Variants in FBN2 observed in about 807,000 individuals in gnomAD.
The protein encoded by FBN2 is fibrillin-2.
In FBN2, 105 loss-of-function variants were observed where a neutral mutation model predicts 355.6. That is an observed-to-expected ratio of 0.30 (90% CI 0.25 to 0.35). FBN2 has a LOEUF of 0.35. Among genes scored for constraint, FBN2 ranks in the 10% least tolerant of loss-of-function variants. The pLI, the probability that FBN2 is intolerant of heterozygous loss-of-function variation, is 1.00. For missense variants in FBN2, 3,280 were observed against 3,758.7 expected (o/e 0.87, Z 3.33); for synonymous variants, 1,350 against 1,301.2 (o/e 1.04, Z -0.81).
chr5:128,512,207 A>C (rs932636133), intron 5 of FBN2, among the ~76,000 whole-genome samples: 1 of 152,144 alleles, frequency 6.6e-6, no homozygotes, highest in Admixed American at 6.5e-5. Flanking sequence ...CATTAGGACA[A>C]TTTTATCTAA....
At chr5:128,380,828 T>C (rs1412652203) in intron 11 of FBN2, among the ~76,000 whole-genome samples, 2 of 152,124 alleles carry the variant, frequency 1.3e-5, no homozygotes, top group Non-Finnish European at 2.9e-5. Context: ...ATGTTCGTTT[T>C]GTCTTGTTTA....
intron 55 of FBN2, among the ~76,000 whole-genome samples, chr5:128,282,057 TACTTG>T (rs1240374850): frequency 8.5e-5 from 13 of 152,188 alleles, no homozygotes; most frequent in African/African-American, 2.7e-4. Context: ...TTTGTTTTCA[TACTTG>T]ATTGAGTATA....
At chr5:128,342,510 G>A (rs1332433589) in intron 25 of FBN2, among the ~76,000 whole-genome samples, 3 of 152,092 alleles carry the variant, frequency 2.0e-5, no homozygotes, top group African/African-American at 7.2e-5. Flanking sequence ...GGTAGCTTGA[G>A]AGAAAAGAAG....
chr5:128,502,957 A>G (rs554159796), intron 5 of FBN2, among the ~76,000 whole-genome samples: 2 of 152,188 alleles, frequency 1.3e-5, no homozygotes, highest in East Asian at 3.9e-4. Flanking sequence ...TACCCTGACT[A>G]TTTTTCTAGT....
chr5:128,466,696 C>G (rs1432373805), intron 5 of FBN2, among the ~76,000 whole-genome samples: 1 of 152,176 alleles, frequency 6.6e-6, no homozygotes, highest in Non-Finnish European at 1.5e-5. Context: ...CATTGTTACT[C>G]TGCAGCTGAA....
At position 128,352,282 on chromosome 5, in the gene FBN2, AAGAAATAG is replaced by A. The variant is rs373007126; in HGVS notation, c.2675-1285_2675-1278del. Among the ~76,000 whole-genome samples, 868 of 152,308 alleles carry A rather than the reference AAGAAATAG, an allele frequency of 5.7e-3. 7 individuals carry two copies. The highest frequency in any genetic ancestry group is 0.02 in the African/African-American group (838 of 41,568). ...AATCATACTTATGGTAAACAATTTGAAGAAATAGAGAAGTATGAGGAAGATGTAAAAAT... is the reference window on the plus strand; with the variant it reads ...AATCATACTTATGGTAAACAATTTGAAGAAGTATGAGGAAGATGTAAAAAT... On this transcript the variant is annotated intron_variant, in intron 20 of 64. Coordinates refer to ENST00000262464, the MANE Select transcript of FBN2 (RefSeq NM_001999.4).
chr5:128,387,161 C>A (rs1752387527), intron 11 of FBN2, among the ~76,000 whole-genome samples: 1 of 152,076 alleles, frequency 6.6e-6, no homozygotes, highest in Non-Finnish European at 1.5e-5. Context: ...CTTCCTGGCT[C>A]AATCTTGGGA....
At chr5:128,287,874 G>A (rs77303955) in intron 53 of FBN2, among the ~76,000 whole-genome samples, 3,141 of 150,916 alleles carry the variant, frequency 0.021, 110 homozygotes, top group African/African-American at 0.072. Flanking sequence ...GAATGCCAGG[G>A]AAGGAGAAAT....
chr5:128,469,724 A>C (rs1452945183), intron 5 of FBN2, among the ~76,000 whole-genome samples: 1 of 152,184 alleles, frequency 6.6e-6, no homozygotes, highest in African/African-American at 2.4e-5. Context: ...GAATTCAAAA[A>C]ATGAACGGGT....
chr5:128,434,394 G>GTATGTATATATATATATATATATA (rs1753715365), intron 7 of FBN2, among the ~76,000 whole-genome samples: 2 of 91,676 alleles, frequency 2.2e-5, no homozygotes, highest in African/African-American at 1.2e-4. Context: ...AATAAAGTGT[G>GTATGTATATATATATATATATATA]TATATATATA....
chr5:128,338,658 C>A (rs976538818), intron 26 of FBN2, among the ~76,000 whole-genome samples: 29 of 152,128 alleles, frequency 1.9e-4, no homozygotes, highest in African/African-American at 7.0e-4. Context: ...TAAAGTAGTC[C>A]CACCTAAATA....
chr5:128,522,842 G>A (rs1368482651), intron 4 of FBN2, among the ~76,000 whole-genome samples: 9 of 152,142 alleles, frequency 5.9e-5, no homozygotes, highest in Non-Finnish European at 1.3e-4. Flanking sequence ...CAGAAGGAAC[G>A]CTGACCACTC....
At chr5:128,501,044 C>T (rs140041749) in intron 5 of FBN2, among the ~76,000 whole-genome samples, 2 of 152,076 alleles carry the variant, frequency 1.3e-5, no homozygotes, top group Non-Finnish European at 1.5e-5. Context: ...GGGTGAAGCC[C>T]CTTACAATCA....
At chr5:128,293,237 T>C (rs1326887031) in intron 48 of FBN2, among the ~76,000 whole-genome samples, 1 of 152,086 alleles carries the variant, frequency 6.6e-6, no homozygotes, top group Non-Finnish European at 1.5e-5. Flanking sequence ...TAAAAACCAT[T>C]TTTTCACACT....
At chr5:128,282,893 C>A (rs1001177548) in intron 55 of FBN2, among the ~76,000 whole-genome samples, 2 of 152,178 alleles carry the variant, frequency 1.3e-5, no homozygotes, top group Admixed American at 6.5e-5. Context: ...AAACAGGCTT[C>A]ATTTCAATGA....
intron 59 of FBN2, 150 bp from the exon 60 acceptor site, chr5:128,274,833 C>T: frequency 3.0e-6 from 2 of 671,914 alleles, no homozygotes; most frequent in Non-Finnish European, 2.7e-6. Flanking sequence ...AGGCATATGG[C>T]AAACAGTTTC....
intron 62 of FBN2, 92 bp from the exon 63 acceptor site, chr5:128,263,748 T>C: frequency 1.2e-6 from 1 of 800,512 alleles, no homozygotes; most frequent in Non-Finnish European, 2.0e-6. Flanking sequence ...TGTGATTTTA[T>C]GGCAGAAATA....
intron 34 of FBN2, among the ~76,000 whole-genome samples, chr5:128,321,198 T>C (rs564622979): frequency 6.6e-6 from 1 of 152,366 alleles, no homozygotes; most frequent in Non-Finnish European, 1.5e-5. Context: ...ATCTTTACAA[T>C]TAATATTAAG....
chr5:128,317,370 C>T (rs1373163328), intron 36 of FBN2, among the ~76,000 whole-genome samples: 1 of 152,190 alleles, frequency 6.6e-6, no homozygotes, highest in Non-Finnish European at 1.5e-5. Flanking sequence ...AAAACACAGA[C>T]TTGGAGTTTG....
Sources: allele counts gnomAD v4.1 joint callset (sites outside exome capture counted in the v4.1 genomes callset), GRCh38; gene constraint gnomAD v4.1.1; transcripts MANE v1.5; gene names NCBI Gene and HGNC (gene_info 2026-07-23, HGNC 2026-07-21).